Variants in DPP10 observed in about 807,000 individuals in gnomAD.
DPP10 encodes inactive dipeptidyl peptidase 10.
In DPP10, 33 loss-of-function variants were observed where a neutral mutation model predicts 120.9. That is an observed-to-expected ratio of 0.27 (90% CI 0.21 to 0.37). The LOEUF is 0.37. Among genes scored for constraint, DPP10 ranks in the 10% least tolerant of loss-of-function variants. DPP10 has a pLI of 1.00. For synonymous variants in DPP10, 337 were observed against 326.1 expected, an observed-to-expected ratio of 1.03 and a Z score of -0.36; for missense variants, 816 against 942.8, an observed-to-expected ratio of 0.87 and a Z score of 1.76.
At chr2:115,234,273 A>G (rs1432266129) in intron 1 of DPP10, among the ~76,000 whole-genome samples, 2 of 152,118 alleles carry the variant, frequency 1.3e-5, no homozygotes, top group South Asian at 2.1e-4. Context: ...TATTTTATAT[A>G]CCCTGCACTA....
rs754737103 is a variant in DPP10, at chr2:115,126,265, AATTTTTTGT to A, written c.61-182966_61-182958del. On this transcript the variant is annotated intron_variant, in intron 1 of 25. Transcript: ENST00000410059. The stretch of plus-strand genomic sequence containing the variant: ...TTCCAAGTAGCTGGGACTACTGGCT[AATTTTTTGT>A]ATTTTTTTGTATAGACAGGATTTCA... 3.1e-4 allele frequency among the ~76,000 whole-genome samples: 47 copies of A among 151,828 alleles called. 1 individual carries two copies. Among genetic ancestry groups the A allele is most frequent in the Non-Finnish European group, 6.8e-4 (46 of 67,958 alleles).
chr2:114,634,880 A>T (rs972212518), intron 1 of DPP10, among the ~76,000 whole-genome samples: 3 of 151,882 alleles, frequency 2.0e-5, no homozygotes, highest in African/African-American at 7.3e-5. Flanking sequence ...TTATTTAGTA[A>T]GATTAAAATT....
At chr2:114,552,019 G>A (rs183998015) in intron 1 of DPP10, among the ~76,000 whole-genome samples, 19 of 152,340 alleles carry the variant, frequency 1.2e-4, no homozygotes, top group Admixed American at 7.8e-4. Flanking sequence ...AGCACAAGAA[G>A]CAGAAAGCCT....
At chr2:115,796,737 G>A (rs1024463459) in intron 19 of DPP10, among the ~76,000 whole-genome samples, 1 of 151,910 alleles carries the variant, frequency 6.6e-6, no homozygotes, top group Non-Finnish European at 1.5e-5. Flanking sequence ...ACCATTTATT[G>A]TTATTGTGCA....
intron 1 of DPP10, among the ~76,000 whole-genome samples, chr2:114,465,358 C>T (rs866176451): frequency 6.6e-6 from 1 of 152,150 alleles, no homozygotes; most frequent in South Asian, 2.1e-4. Flanking sequence ...CCTGATTTTT[C>T]CCAGTGGAAC....
At chr2:115,284,960 T>A (rs2060305501) in intron 1 of DPP10, among the ~76,000 whole-genome samples, 1 of 152,036 alleles carries the variant, frequency 6.6e-6, no homozygotes, top group African/African-American at 2.4e-5. Flanking sequence ...TTTTAGCATC[T>A]AAGATATGGA....
intron 1 of DPP10, among the ~76,000 whole-genome samples, chr2:114,831,748 C>T (rs1476168645): frequency 6.6e-6 from 1 of 151,790 alleles, no homozygotes; most frequent in Non-Finnish European, 1.5e-5. Context: ...AACTGAAATA[C>T]AGTACCACAT....
At chr2:114,634,619 C>G (rs572408396) in intron 1 of DPP10, among the ~76,000 whole-genome samples, 27 of 151,936 alleles carry the variant, frequency 1.8e-4, no homozygotes, top group Middle Eastern at 3.4e-3. Flanking sequence ...TGAGCAAATT[C>G]CTTAACTTCT....
intron 3 of DPP10, among the ~76,000 whole-genome samples, chr2:115,395,273 T>C (rs896029619): frequency 8.5e-5 from 13 of 152,212 alleles, no homozygotes; most frequent in African/African-American, 3.1e-4. Context: ...AGTATCTCTT[T>C]TTACGTGTAT....
chr2:114,585,954 A>G (rs1690946370), intron 1 of DPP10, among the ~76,000 whole-genome samples: 1 of 152,256 alleles, frequency 6.6e-6, no homozygotes, highest in South Asian at 2.1e-4. Context: ...TAACATATAA[A>G]CATTGTTTTA....
chr2:114,509,048 G>C (rs13413598), intron 1 of DPP10, among the ~76,000 whole-genome samples: 13,445 of 152,028 alleles, frequency 0.088, 1,957 homozygotes, highest in African/African-American at 0.3. Context: ...GAGAGAGAGA[G>C]TGAAACTGCA....
At chr2:114,533,396 G>A (rs1211075856) in intron 1 of DPP10, among the ~76,000 whole-genome samples, 4 of 152,010 alleles carry the variant, frequency 2.6e-5, no homozygotes, top group Non-Finnish European at 5.9e-5. Context: ...CTTAAGAAAG[G>A]AAAAGGAGTG....
intron 1 of DPP10, among the ~76,000 whole-genome samples, chr2:114,680,009 G>T (rs1459560519): frequency 6.6e-6 from 1 of 151,964 alleles, no homozygotes; most frequent in Non-Finnish European, 1.5e-5. Context: ...ATTTAAAATA[G>T]GATGTAATTG....
chr2:115,601,339 C>T (rs1424690110), intron 5 of DPP10, among the ~76,000 whole-genome samples: 6 of 152,082 alleles, frequency 3.9e-5, no homozygotes, highest in Admixed American at 2.6e-4. Flanking sequence ...TTTCTTTATG[C>T]GTTTTGTTTC....
intron 1 of DPP10, among the ~76,000 whole-genome samples, chr2:114,921,913 A>G (rs938521913): frequency 6.6e-6 from 1 of 152,228 alleles, no homozygotes; most frequent in South Asian, 2.1e-4. Flanking sequence ...TCCCTTGTTT[A>G]AACTTTTATT....
chr2:115,284,415 G>A (rs563085058), intron 1 of DPP10, among the ~76,000 whole-genome samples: 1 of 151,962 alleles, frequency 6.6e-6, no homozygotes, highest in South Asian at 2.1e-4. Context: ...TATAATCTCT[G>A]GGTAGCTTCA....
chr2:114,881,453 G>GTCTATCTATCTATCTA (rs767939067), intron 1 of DPP10, among the ~76,000 whole-genome samples: 28 of 44,846 alleles, frequency 6.2e-4, no homozygotes, highest in African/African-American at 1.1e-3. Flanking sequence ...CTGTCTGTCT[G>GTCTATCTATCTATCTA]TCTGTCTATC....
intron 1 of DPP10, among the ~76,000 whole-genome samples, chr2:115,226,195 G>A (rs2057425704): frequency 6.6e-6 from 1 of 152,078 alleles, no homozygotes; most frequent in Non-Finnish European, 1.5e-5. Flanking sequence ...TAGTGGGTGA[G>A]CTCGACTGTC....
At chr2:115,507,976 T>C (rs34001481) in intron 4 of DPP10, among the ~76,000 whole-genome samples, 32,215 of 151,948 alleles carry the variant, frequency 0.21, 3,922 homozygotes, top group East Asian at 0.39. Context: ...TTCAACTTGT[T>C]GGAAATAGAG....
Sources: gnomAD v4.1 joint callset for allele counts (sites outside exome capture counted in the v4.1 genomes callset) on GRCh38, gnomAD v4.1.1 for gene constraint, MANE v1.5 for transcripts, NCBI Gene and HGNC (gene_info 2026-07-23, HGNC 2026-07-21) for gene names.